The following ZNF43 variants were observed in gnomAD, a reference collection of about 807,000 sequenced individuals.
The protein encoded by ZNF43 is zinc finger protein 43.
ZNF43 carries 44 observed loss-of-function variants against 68.4 expected under a neutral mutation model. The ratio of observed to expected loss-of-function variants is 0.64; its 90% confidence interval spans 0.51 to 0.83. ZNF43 has a LOEUF of 0.83. Among genes scored for constraint, ZNF43 ranks in the 40% least tolerant of loss-of-function variants. The pLI is 0.00. For missense variants in ZNF43, 896 were observed against 933.2 expected, an observed-to-expected ratio of 0.96 and a Z score of 0.52; for synonymous variants, 308 against 307.8, an observed-to-expected ratio of 1.00 and a Z score of -0.01.
intron 1 of ZNF43, among the ~76,000 whole-genome samples, chr19:21,835,654 C>A (rs1266219783): frequency 6.6e-6 from 1 of 152,032 alleles, no homozygotes; most frequent in East Asian, 1.9e-4. Context: ...CGCGCCCGGC[C>A]GACTCTCCTG....
At chr19:21,829,061 A>C (rs1206191556) in intron 1 of ZNF43, among the ~76,000 whole-genome samples, 1 of 146,856 alleles carries the variant, frequency 6.8e-6, no homozygotes, top group African/African-American at 2.6e-5. Flanking sequence ...AAAAAAAAAA[A>C]AAAATTAGCC....
rs186522715 is a variant in ZNF43, at chr19:21,817,387, A to C, written c.229+501T>G. On this transcript the variant is annotated intron_variant, in intron 3 of 3. Coordinates refer to ENST00000354959, the MANE Select transcript of ZNF43 (RefSeq NM_003423.4). ...CAAAGCAATCTTGAGGAAAAAGAAC[A>C]AAGCAAAGAAACATCATAATTCATA... 2.3e-3 allele frequency among the ~76,000 whole-genome samples: 351 copies of C among 152,346 alleles called. 1 individual carries two copies. Among genetic ancestry groups the C allele is most frequent in the Non-Finnish European group, 4.4e-3 (297 of 68,038 alleles).
chr19:21,851,846 GT>G (rs1968395251), intron 1 of ZNF43: 1 of 1,518,640 alleles, frequency 6.6e-7, no homozygotes, highest in South Asian at 1.2e-5. Context: ...GAGGAGGCCG[GT>G]CCCGCCACTT....
In ZNF43 at chr19:21,807,430, A is replaced by G. The variant is rs1027509556; in HGVS notation, c.*177T>C. 1.3e-4 allele frequency: 76 copies of G among 578,320 alleles called. No homozygotes were observed. Among genetic ancestry groups the G allele is most frequent in the Non-Finnish European group, 2.0e-4 (72 of 355,106 alleles). The allele number at this position is 578,320 out of a possible 1,614,324, so 35.8% of individuals were successfully genotyped here. A position where few individuals can be genotyped will look rare whatever the true frequency, so the allele number is the denominator to read the frequency against. On this transcript the variant is annotated 3_prime_UTR_variant, in exon 4 of 4. Transcript: ENST00000354959. ...ATTCTTTGTGTATATACCTTTTTCC[A>G]AGTAAAAATTCTTTCCTGTGCAATA...
In ZNF43 at chr19:21,808,466, T is replaced by C; in HGVS notation, c.1571A>G (p.Lys524Arg). The C allele has an allele frequency of 6.2e-7, 1 of 1,611,092 alleles. No individual in the cohort carries two copies. Among genetic ancestry groups the C allele is most frequent in the Non-Finnish European group, 8.5e-7 (1 of 1,179,164 alleles). ...ATGAGTTATCTTATGTTCAGTAAGC[T>C]TTGAGGACCACTTAAAAGCTTTGCC... ...ECGKAFKWSS[K>R]LTEHKITHTG... Residue 524 changes from lysine (K) to arginine (R), a missense_variant, in exon 4 of 4, where the codon AAG (lysine) becomes AGG (arginine). Coordinates refer to ENST00000354959, the MANE Select transcript of ZNF43 (RefSeq NM_003423.4).
At chr19:21,835,509 C>T (rs2038674512) in intron 1 of ZNF43, among the ~76,000 whole-genome samples, 1 of 151,212 alleles carries the variant, frequency 6.6e-6, no homozygotes, top group East Asian at 2.0e-4. Context: ...AGGCGCGCGC[C>T]ACCACGCCCA....
chr19:21,828,717 C>CA (rs34398865), intron 1 of ZNF43, among the ~76,000 whole-genome samples: 1 of 144,118 alleles, frequency 6.9e-6, no homozygotes, highest in Non-Finnish European at 1.5e-5. Flanking sequence ...AACTCCGTCT[C>CA]AAAAAAAGTA....
chr19:21,843,662 G>A (rs75897063), intron 1 of ZNF43, among the ~76,000 whole-genome samples: 13,233 of 152,144 alleles, frequency 0.087, 642 homozygotes, highest in Middle Eastern at 0.15. Context: ...GGTGGCGGGC[G>A]CCTGTAATCC....
chr19:21,818,086 T>C, intron 2 of ZNF43, 100 bp from the exon 3 acceptor site: 1 of 1,233,028 alleles, frequency 8.1e-7, no homozygotes, highest in Non-Finnish European at 1.1e-6. Context: ...AATATCCTAA[T>C]CATTAATCCC....
chr19:21,827,662 A>ATT (rs74174045), intron 1 of ZNF43, among the ~76,000 whole-genome samples: 6,033 of 128,224 alleles, frequency 0.047, 351 homozygotes, highest in African/African-American at 0.13. Context: ...GCGCCTGGCC[A>ATT]TTTTTTTTTT....
At chr19:21,835,758 G>T (rs973735395) in intron 1 of ZNF43, among the ~76,000 whole-genome samples, 1 of 152,140 alleles carries the variant, frequency 6.6e-6, no homozygotes, top group Non-Finnish European at 1.5e-5. Flanking sequence ...CTCTCCTGAC[G>T]ACCCTCCTGT....
upstream of ZNF43, among the ~76,000 whole-genome samples, chr19:21,836,676 C>A (rs2038756220): frequency 6.6e-6 from 1 of 152,200 alleles, no homozygotes; most frequent in Non-Finnish European, 1.5e-5. Context: ...CCTCAGCAAT[C>A]TAGGCTTGAG....
intron 3 of ZNF43, among the ~76,000 whole-genome samples, chr19:21,811,766 C>G (rs2037284678): frequency 6.6e-6 from 1 of 151,554 alleles, no homozygotes; most frequent in African/African-American, 2.4e-5. Context: ...AGAAAAAAAT[C>G]TCTTCAAAAA....
At chr19:21,837,415 CTTTTTTTTTTT>C (rs539940868), upstream of ZNF43, among the ~76,000 whole-genome samples, 4,566 of 83,990 alleles carry the variant, frequency 0.054, 184 homozygotes, top group South Asian at 0.22. Context: ...CCTACACTTA[CTTTTTTTTTTT>C]TTTTTTTTTT....
At chr19:21,843,910 A>G (rs1305233754) in intron 1 of ZNF43, among the ~76,000 whole-genome samples, 1 of 152,230 alleles carries the variant, frequency 6.6e-6, no homozygotes, top group Admixed American at 6.5e-5. Context: ...CAGGTGTGAC[A>G]TTCAGAGCTT....
intron 3 of ZNF43, among the ~76,000 whole-genome samples, chr19:21,813,471 T>C (rs2145187865): frequency 6.6e-6 from 1 of 152,268 alleles, no homozygotes; most frequent in South Asian, 2.1e-4. Context: ...ATCTACAATG[T>C]AATATTATTC....
chr19:21,835,919 T>A, intron 1 of ZNF43, 117 bp downstream of exon 1: 1 of 1,557,442 alleles, frequency 6.4e-7, no homozygotes, highest in Admixed American at 1.7e-5. Context: ...CTGAAGGGGA[T>A]TGAGGCCGAG....
At chr19:21,850,577 AAAAG>A (rs1198732851) in intron 1 of ZNF43, among the ~76,000 whole-genome samples, 1 of 144,538 alleles carries the variant, frequency 6.9e-6, no homozygotes, top group Non-Finnish European at 1.5e-5. Context: ...CAAAAAAAGA[AAAAG>A]AAAGGGCCTG....
chr19:21,812,668 C>T (rs116584441), intron 3 of ZNF43, among the ~76,000 whole-genome samples: 3,517 of 151,780 alleles, frequency 0.023, 146 homozygotes, highest in African/African-American at 0.078. Context: ...TAAAACCATC[C>T]AGGTAGGTAC....
Sources: allele counts gnomAD v4.1 joint callset (sites outside exome capture counted in the v4.1 genomes callset), GRCh38; gene constraint gnomAD v4.1.1; transcripts MANE v1.5; gene names NCBI Gene and HGNC (gene_info 2026-07-23, HGNC 2026-07-21).